EIF3D: variants seen among roughly 807,000 people sequenced by gnomAD.
EIF3D encodes eukaryotic translation initiation factor 3 subunit D.
In EIF3D, 10 loss-of-function variants were observed where a neutral mutation model predicts 75.4. That is an observed-to-expected ratio of 0.13 (90% CI 0.08 to 0.22). The LOEUF is 0.22. EIF3D is among the 10% of genes least tolerant of loss of function. The probability of loss-of-function intolerance (pLI) is 1.00; values close to 1 mark genes in which losing one functional copy is unlikely to be tolerated. For synonymous variants in EIF3D, 246 were observed against 248.3 expected (o/e 0.99, Z 0.09); for missense variants, 394 against 708.0 (o/e 0.56, Z 5.03).
intron 13 of EIF3D, 93 bp from the exon 14 acceptor site, chr22:36,511,879 C>G: frequency 3.4e-6 from 5 of 1,486,288 alleles, no homozygotes; most frequent in Non-Finnish European, 4.5e-6. Flanking sequence ...GATACCTGGT[C>G]CACTGCTATT....
intron 3 of EIF3D, 148 bp downstream of exon 3, chr22:36,525,516 T>C: frequency 1.1e-6 from 1 of 907,590 alleles, no homozygotes; most frequent in Non-Finnish European, 1.7e-6. Flanking sequence ...ATGTGGTTAT[T>C]GTTAAAGCCC....
At chr22:36,520,173 T>C (rs1423629271) in intron 7 of EIF3D, among the ~76,000 whole-genome samples, 1 of 151,996 alleles carries the variant, frequency 6.6e-6, no homozygotes, top group Non-Finnish European at 1.5e-5. Context: ...TTTTTTTTTT[T>C]GAGATGGAGT....
intron 13 of EIF3D, 78 bp from the exon 14 acceptor site, chr22:36,511,864 A>G: frequency 6.4e-7 from 1 of 1,557,108 alleles, no homozygotes; most frequent in South Asian, 1.2e-5. Context: ...TGTCAATTAA[A>G]TGGTGATACC....
At chr22:36,528,300 C>G (rs1002865560) in intron 1 of EIF3D, among the ~76,000 whole-genome samples, 3 of 152,090 alleles carry the variant, frequency 2.0e-5, no homozygotes, top group Non-Finnish European at 4.4e-5. Context: ...GACAACGAGT[C>G]TCAAAACACA....
intron 7 of EIF3D, 38 bp downstream of exon 7, chr22:36,520,538 T>G (rs753487950): frequency 9.6e-6 from 14 of 1,457,192 alleles, no homozygotes; most frequent in Non-Finnish European, 1.1e-5. Context: ...TCCACACACA[T>G]AAGAGCAGTG....
Position 36,516,725 on chromosome 22 carries a change from T to A in EIF3D, c.1056A>T (p.Glu352Asp). 1 of 1,614,224 alleles carries A rather than the reference T, an allele frequency of 6.2e-7. No homozygotes were observed. Among genetic ancestry groups the A allele is most frequent in the Non-Finnish European group, 8.5e-7 (1 of 1,180,050 alleles). Reference sequence around the variant, plus strand: ...CCTACCGGTACGCAACAGAGGCGATTTCATTCTTATCCATGTCGTCCTCCA... The same window carrying A: ...CCTACCGGTACGCAACAGAGGCGATATCATTCTTATCCATGTCGTCCTCCA... ...PFVEDDMDKN[E>D]IASVAYRYRR... Residue 352 changes from glutamate (E) to aspartate (D), a missense_variant, in exon 11 of 15, where the codon GAA (glutamate) becomes GAT (aspartate). Coordinates refer to ENST00000216190, the MANE Select transcript of EIF3D (RefSeq NM_003753.4).
Position 36,510,958 on chromosome 22 carries a change from AGG to A in EIF3D, c.*27_*28del. ...CAAAGGCCCTCGTAGTCTCGGTGGA[AGG>A]ACAAACTCCAGCTCCACATCACTGG... On this transcript the variant is annotated 3_prime_UTR_variant, in exon 15 of 15. Transcript: ENST00000216190. The A allele has an allele frequency of 6.3e-7, 1 of 1,592,912 alleles. No individual in the cohort carries two copies.
chr22:36,526,965 G>A (rs1934614163), intron 1 of EIF3D: 1 of 152,132 alleles, frequency 6.6e-6, no homozygotes, highest in Admixed American at 6.5e-5. Flanking sequence ...CAAGTATTCA[G>A]ACTTGCAAAA....
At chr22:36,512,662 C>A in intron 12 of EIF3D, 60 bp from the exon 13 acceptor site, 1 of 1,563,444 alleles carries the variant, frequency 6.4e-7, no homozygotes, top group Non-Finnish European at 8.7e-7. Flanking sequence ...GGTGCTGGGA[C>A]CTCCTCTGGC....
At chr22:36,516,381 G>T in intron 12 of EIF3D, 97 bp downstream of exon 12, 1 of 1,451,454 alleles carries the variant, frequency 6.9e-7, no homozygotes, top group Non-Finnish European at 9.3e-7. Flanking sequence ...AACGAAAGGG[G>T]ATAAGAAACA....
At chr22:36,525,239 C>CA (rs1934578817) in intron 3 of EIF3D, among the ~76,000 whole-genome samples, 1 of 93,942 alleles carries the variant, frequency 1.1e-5, no homozygotes, top group African/African-American at 3.6e-5. Flanking sequence ...AGGGGTTTTA[C>CA]TTTTTTTTTT....
chr22:36,517,416 C>G lies in EIF3D; in HGVS notation c.875G>C (p.Ser292Thr). 2 of 1,612,814 alleles carry G rather than the reference C, an allele frequency of 1.2e-6. No homozygotes were observed. The highest frequency in any genetic ancestry group is 1.7e-6 in the Non-Finnish European group (2 of 1,179,566). The change falls in exon 10 of 15, where the codon AGT becomes ACT. Residue 292 changes from serine (S) to threonine (T), a missense_variant. Ser to Thr is a moderately conservative substitution (Grantham distance 58). Coordinates refer to ENST00000216190, the MANE Select transcript of EIF3D (RefSeq NM_003753.4). ...DNSDFDLLTV[S>T]ETANEPPQDE... ...TTGAGGGGGCTCATTGGCAGTCTCA[C>G]TCACTGTCAGGAGGTCTGCAAAAGC...
chr22:36,519,151 G>A (rs1934472741), intron 8 of EIF3D, among the ~76,000 whole-genome samples: 1 of 152,214 alleles, frequency 6.6e-6, no homozygotes, highest in Non-Finnish European at 1.5e-5. Flanking sequence ...CTTTGCCCCA[G>A]TGGTAGTGCT....
chr22:36,516,847 A>T, intron 10 of EIF3D, 57 bp from the exon 11 acceptor site: 2 of 1,503,228 alleles, frequency 1.3e-6, no homozygotes, highest in Non-Finnish European at 1.9e-6. Context: ...GGCCAAGGCC[A>T]ATCAGTCAGA....
intron 1 of EIF3D, among the ~76,000 whole-genome samples, chr22:36,527,425 C>A (rs540195388): frequency 3.9e-5 from 6 of 152,344 alleles, no homozygotes; most frequent in African/African-American, 1.4e-4. Flanking sequence ...AATTAAAAAA[C>A]CGGCGCTGTA....
At position 36,516,724 on chromosome 22, in the gene EIF3D, T is replaced by C; in HGVS notation, c.1057A>G (p.Ile353Val). Residue 353 changes from isoleucine to valine, a missense_variant, in exon 11 of 15, where the codon ATC becomes GTC. By Grantham distance (29) the Ile-to-Val change is conservative. Transcript: ENST00000216190. ...ACCTACCGGTACGCAACAGAGGCGA[T>C]TTCATTCTTATCCATGTCGTCCTCC... ...FVEDDMDKNE[I>V]ASVAYRYRRW... 3 of 1,614,204 alleles carry C rather than the reference T, an allele frequency of 1.9e-6. No individual in the cohort carries two copies. The East Asian group carries it at 6.7e-5, about 36-fold the overall frequency.
At position 36,511,557 on chromosome 22, in the gene EIF3D, A is replaced by G. The variant is rs2145867343; in HGVS notation, c.1579T>C (p.Phe527Leu). 1 of 1,613,934 alleles carries G rather than the reference A, an allele frequency of 6.2e-7. No individual in the cohort carries two copies. Among genetic ancestry groups the G allele is most frequent in the Non-Finnish European group, 8.5e-7 (1 of 1,179,942 alleles). The change falls in exon 14 of 15, where the codon TTC (phenylalanine) becomes CTC (leucine). Residue 527 changes from phenylalanine to leucine, a missense_variant. By Grantham distance (22) the Phe-to-Leu change is conservative. Coordinates refer to ENST00000216190, the MANE Select transcript of EIF3D (RefSeq NM_003753.4). ...IRVYSLPDGT[F>L]SSDEDEEEEE... Reference sequence around the variant, plus strand: ...TCCTCCTCATCTTCATCAGAGCTGAAGGTGCCATCAGGGAGGCTGTAGACA... The same window carrying G: ...TCCTCCTCATCTTCATCAGAGCTGAGGGTGCCATCAGGGAGGCTGTAGACA...
intron 6 of EIF3D, among the ~76,000 whole-genome samples, chr22:36,522,863 C>T (rs1418046540): frequency 6.6e-6 from 1 of 152,200 alleles, no homozygotes; most frequent in Non-Finnish European, 1.5e-5. Flanking sequence ...CTTTTTCTGC[C>T]ATGCTATCAA....
intron 1 of EIF3D, among the ~76,000 whole-genome samples, chr22:36,527,115 G>A (rs962577207): frequency 6.6e-6 from 1 of 152,236 alleles, no homozygotes. Context: ...AAGCCAGGCA[G>A]AAGAACTGCC....
Sources: gnomAD v4.1 joint callset for allele counts (sites outside exome capture counted in the v4.1 genomes callset) on GRCh38, gnomAD v4.1.1 for gene constraint, MANE v1.5 for transcripts, NCBI Gene and HGNC (gene_info 2026-07-23, HGNC 2026-07-21) for gene names.